Variants in ANO2 observed in about 807,000 individuals in gnomAD.
ANO2 encodes anoctamin 2, also known as anoctamin-2.
A neutral mutation model predicts 124.2 loss-of-function variants in ANO2; 101 were observed. The ratio of observed to expected loss-of-function variants is 0.81; its 90% CI spans 0.69 to 0.96. The LOEUF (loss-of-function observed/expected upper bound fraction) is 0.96. Ranked by LOEUF, ANO2 falls within the 40% of genes least tolerant of loss-of-function variation. ANO2 has a pLI of 0.00. For missense variants in ANO2, 1,293 were observed against 1,274.5 expected (o/e 1.01, Z -0.22); for synonymous variants, 486 against 482.5 (o/e 1.01, Z -0.09).
At chr12:5,914,132 G>A (rs563114899) in intron 3 of ANO2, among the ~76,000 whole-genome samples, 6 of 152,116 alleles carry the variant, frequency 3.9e-5, no homozygotes, top group Admixed American at 2.0e-4. Flanking sequence ...CCCGGGAGGC[G>A]GAGGTTGCAG....
At chr12:5,603,939 C>T (rs796613185) in intron 19 of ANO2, among the ~76,000 whole-genome samples, 22 of 86,106 alleles carry the variant, frequency 2.6e-4, no homozygotes, top group East Asian at 9.3e-4. Flanking sequence ...AGCGAGATTC[C>T]GTCTCAAAAA....
At chr12:5,655,360 T>C (rs1947104861) in intron 14 of ANO2, among the ~76,000 whole-genome samples, 1 of 152,174 alleles carries the variant, frequency 6.6e-6, no homozygotes, top group South Asian at 2.1e-4. Flanking sequence ...CTTTTGCAGG[T>C]ACCTTAAAAA....
intron 19 of ANO2, among the ~76,000 whole-genome samples, chr12:5,599,975 C>G (rs1053566432): frequency 6.6e-6 from 1 of 152,214 alleles, no homozygotes; most frequent in Non-Finnish European, 1.5e-5. Context: ...TCTATCCACC[C>G]TCTTCATGGG....
intron 3 of ANO2, among the ~76,000 whole-genome samples, chr12:5,905,794 A>G (rs1440217159): frequency 6.6e-6 from 1 of 152,164 alleles, no homozygotes; most frequent in East Asian, 1.9e-4. Context: ...AGATACAAAA[A>G]AAATCTGCTA....
At chr12:5,903,211 C>G (rs1415039568) in intron 3 of ANO2, among the ~76,000 whole-genome samples, 1 of 151,928 alleles carries the variant, frequency 6.6e-6, no homozygotes, top group Admixed American at 6.6e-5. Context: ...GAGATTACAT[C>G]CAACTTACAG....
chr12:5,608,415 T>C (rs1341918940), intron 19 of ANO2, among the ~76,000 whole-genome samples: 1 of 151,952 alleles, frequency 6.6e-6, no homozygotes, highest in Non-Finnish European at 1.5e-5. Flanking sequence ...TTTAACTACA[T>C]AATTATGTTG....
At chr12:5,933,010 A>C (rs1197411704) in intron 1 of ANO2, among the ~76,000 whole-genome samples, 1 of 152,222 alleles carries the variant, frequency 6.6e-6, no homozygotes, top group African/African-American at 2.4e-5. Context: ...GGTTGAGATT[A>C]TGGCCCTCCT....
chr12:5,578,084 T>A, intron 21 of ANO2, 77 bp from the exon 22 acceptor site: 1 of 1,528,188 alleles, frequency 6.5e-7, no homozygotes, highest in Non-Finnish European at 9.0e-7. Context: ...CTCCAGGTGA[T>A]GTTTTGCAGG....
chr12:5,882,947 T>C (rs1466234139), intron 3 of ANO2, among the ~76,000 whole-genome samples: 1 of 151,998 alleles, frequency 6.6e-6, no homozygotes, highest in Non-Finnish European at 1.5e-5. Context: ...AAGAACTGAA[T>C]GGGGAGATAT....
intron 3 of ANO2, among the ~76,000 whole-genome samples, chr12:5,868,149 C>G (rs1350698325): frequency 6.6e-6 from 1 of 151,966 alleles, no homozygotes; most frequent in African/African-American, 2.4e-5. Flanking sequence ...AATTACATGC[C>G]TGTATCAGGG....
intron 7 of ANO2, among the ~76,000 whole-genome samples, chr12:5,812,671 A>G (rs1953455734): frequency 6.8e-6 from 1 of 146,866 alleles, no homozygotes; most frequent in African/African-American, 2.5e-5. Context: ...AGAGGGAGGG[A>G]AGGCAGGCAA....
chr12:5,836,052 C>T (rs1334502621), intron 4 of ANO2, among the ~76,000 whole-genome samples: 5 of 124,678 alleles, frequency 4.0e-5, no homozygotes, highest in African/African-American at 1.5e-4. Context: ...CTCCAGATGC[C>T]TTTCAATGGC....
chr12:5,849,149 A>G (rs1174786249), intron 4 of ANO2, among the ~76,000 whole-genome samples: 1 of 152,200 alleles, frequency 6.6e-6, no homozygotes, highest in African/African-American at 2.4e-5. Context: ...CTTCAATATC[A>G]GTCACTCTAT....
At chr12:5,711,539 T>C (rs1049150590) in intron 14 of ANO2, among the ~76,000 whole-genome samples, 4 of 152,190 alleles carry the variant, frequency 2.6e-5, no homozygotes, top group Non-Finnish European at 4.4e-5. Context: ...AACTAATTCA[T>C]ACAGAGGCCC....
intron 1 of ANO2, among the ~76,000 whole-genome samples, chr12:5,923,724 T>G (rs1443934701): frequency 1.3e-5 from 2 of 152,164 alleles, no homozygotes; most frequent in Non-Finnish European, 2.9e-5. Flanking sequence ...ATGCTAGAAT[T>G]GGAGGGAACT....
intron 19 of ANO2, among the ~76,000 whole-genome samples, chr12:5,611,392 T>A (rs1232660602): frequency 1.4e-5 from 2 of 146,258 alleles, no homozygotes; most frequent in Non-Finnish European, 3.1e-5. Context: ...TCTCCCAGAC[T>A]AAAAAGTTAA....
intron 20 of ANO2, chr12:5,584,083 A>G (rs1247419363): frequency 7.9e-6 from 2 of 252,508 alleles, no homozygotes; most frequent in Non-Finnish European, 8.5e-6. Context: ...AATCCAAACA[A>G]ATAAGCCATT....
intron 10 of ANO2, among the ~76,000 whole-genome samples, chr12:5,783,332 T>C (rs375796992): frequency 1.3e-5 from 2 of 152,344 alleles, no homozygotes; most frequent in South Asian, 2.1e-4. Flanking sequence ...TGGGCATCAG[T>C]TGAAAATCTG....
chr12:5,678,521 T>C (rs1948352065), intron 14 of ANO2, among the ~76,000 whole-genome samples: 1 of 152,114 alleles, frequency 6.6e-6, no homozygotes, highest in Admixed American at 6.5e-5. Context: ...TGTAAAAAGA[T>C]ATATAAAGGC....
Sources: allele counts gnomAD v4.1 joint callset (sites outside exome capture counted in the v4.1 genomes callset), GRCh38; gene constraint gnomAD v4.1.1; transcripts MANE v1.5; gene names NCBI Gene and HGNC (gene_info 2026-07-23, HGNC 2026-07-21).